The following C9orf57 variants were observed in gnomAD, a reference collection of about 807,000 sequenced individuals.
C9orf57 encodes chromosome 9 open reading frame 57.
In C9orf57, 12 loss-of-function variants were observed where a neutral mutation model predicts 12.9. The observed-to-expected ratio is 0.93, with a 90% CI of 0.60 to 1.51. The LOEUF (loss-of-function observed/expected upper bound fraction) is 1.51. Ranked by LOEUF, C9orf57 falls within the 40% of genes most tolerant of loss-of-function variation. The probability of loss-of-function intolerance (pLI) is 0.00; values close to 1 mark genes in which losing one functional copy is unlikely to be tolerated. For missense variants in C9orf57, 141 were observed against 162.8 expected (o/e 0.87, Z 0.73); for synonymous variants, 49 against 57.1 (o/e 0.86, Z 0.64).
At position 72,060,479 on chromosome 9, in the gene C9orf57, C is replaced by A. The variant is rs1824313011; in HGVS notation, c.-54+18G>T. 1.7e-6 allele frequency: 2 copies of A among 1,191,108 alleles called. No homozygotes were observed. The highest frequency in any genetic ancestry group is 2.6e-5 in the South Asian group (2 of 76,606). The allele number at this position is 1,191,108 out of a possible 1,614,324, so 73.8% of individuals were successfully genotyped here. A position where few individuals can be genotyped will look rare whatever the true frequency, so the allele number is the denominator to read the frequency against. Reference sequence around the variant, plus strand: ...TAAGATTGGGTAAAGTATAATATTTCAGTTGTTCATGACCTACCTATCTTT... The same window carrying A: ...TAAGATTGGGTAAAGTATAATATTTAAGTTGTTCATGACCTACCTATCTTT... On this transcript the variant is annotated intron_variant, in intron 1 of 4. Coordinates refer to ENST00000651200, the MANE Select transcript of C9orf57 (RefSeq NM_001128618.2).
intron 1 of C9orf57, 80 bp downstream of exon 1, chr9:72,060,417 G>T (rs770198474): frequency 5.4e-6 from 4 of 743,752 alleles, no homozygotes; most frequent in South Asian, 1.5e-5. Context: ...GATAGTTAAC[G>T]ATAGTTAATA....
At position 72,051,704 on chromosome 9, in the gene C9orf57, T is replaced by G. The variant is rs577240816; in HGVS notation, c.*592A>C. The stretch of plus-strand genomic sequence containing the variant: ...AAATTTGGATAAACTCTGAGGCAGA[T>G]GGAAGAAATAAGTGCCAGCCCTACC... On this transcript the variant is annotated 3_prime_UTR_variant, in exon 5 of 5. Transcript: ENST00000651200. 6.6e-6 allele frequency: 1 copy of G among 152,378 alleles called. No homozygotes were observed. The highest frequency in any genetic ancestry group is 2.4e-5 in the African/African-American group (1 of 41,588). The allele number at this position is 152,378 out of a possible 1,614,324, so 9.4% of individuals were successfully genotyped here.
At position 72,051,501 on chromosome 9, in the gene C9orf57, G is replaced by T. The variant is rs998515522; in HGVS notation, c.*795C>A. ...AGTACTCTTCATGCTGCCAAAGTAG[G>T]GCATTGTAATAGAAGACGTAATGAT... is the stretch of plus-strand genomic sequence containing the variant. On this transcript the variant is annotated 3_prime_UTR_variant, in exon 5 of 5. Transcript: ENST00000651200. The T allele has an allele frequency of 6.6e-6, 1 of 152,046 alleles. No individual in the cohort carries two copies. The highest frequency in any genetic ancestry group is 2.4e-5 in the African/African-American group (1 of 41,378). 9.4% of individuals were successfully genotyped at this position (152,046 alleles called of 1,614,324 possible). A position where few individuals can be genotyped will look rare whatever the true frequency, so the allele number is the denominator to read the frequency against.
chr9:72,056,308 ATATT>A, intron 3 of C9orf57, 112 bp from the exon 4 acceptor site: 1 of 460,822 alleles, frequency 2.2e-6, no homozygotes, highest in Admixed American at 4.6e-5. Flanking sequence ...TTATATATAT[ATATT>A]TATGTTATAT....
rs1286249566 is a variant in C9orf57 at position 72,051,431 on chromosome 9, G to A, written c.*865C>T. 2.6e-5 allele frequency: 4 copies of A among 152,212 alleles called. No homozygotes were observed. The East Asian group carries it at 7.7e-4, about 29-fold the overall frequency. The allele number at this position is 152,212 out of a possible 1,614,324, so 9.4% of individuals were successfully genotyped here. On this transcript the variant is annotated 3_prime_UTR_variant, in exon 5 of 5. Coordinates refer to ENST00000651200, the MANE Select transcript of C9orf57 (RefSeq NM_001128618.2). ...ATTTTCAAACTCCTGAAAATACAGA[G>A]AAAGACAGTTTTAAATTAAATTTTA...
intron 1 of C9orf57, among the ~76,000 whole-genome samples, chr9:72,059,688 G>T (rs374558686): frequency 4.6e-5 from 7 of 152,278 alleles, no homozygotes; most frequent in African/African-American, 1.7e-4. Flanking sequence ...AGGTGTGGTT[G>T]TGGGTGCCTG....
At chr9:72,056,911 A>T in intron 2 of C9orf57, 68 bp from the exon 3 acceptor site, 7 of 1,170,412 alleles carry the variant, frequency 6.0e-6, no homozygotes, top group South Asian at 1.5e-5. Context: ...ATATATGTAT[A>T]CTTTTTTTTT....
chr9:72,060,195 T>C (rs775804113), intron 1 of C9orf57, among the ~76,000 whole-genome samples: 4 of 152,104 alleles, frequency 2.6e-5, no homozygotes, highest in Admixed American at 6.5e-5. Flanking sequence ...TACAGGCGCA[T>C]GCTGCAACAC....
chr9:72,057,084 G>C (rs896608529), intron 2 of C9orf57, among the ~76,000 whole-genome samples: 12 of 151,734 alleles, frequency 7.9e-5, no homozygotes, highest in Admixed American at 7.9e-4. Flanking sequence ...CCAGCTTTTT[G>C]TATGTTTAGT....
chr9:72,054,914 AT>A (rs71353558), intron 4 of C9orf57, among the ~76,000 whole-genome samples: 258 of 96,494 alleles, frequency 2.7e-3, no homozygotes, highest in East Asian at 8.7e-3. Flanking sequence ...GGGGTTTGGG[AT>A]TTTTTTTTTT....
rs1824095869 is a variant in C9orf57, at chr9:72,052,243, T to C, written c.*53A>G. 2.0e-6 allele frequency: 3 copies of C among 1,535,962 alleles called. No individual in the cohort carries two copies. The highest frequency in any genetic ancestry group is 1.8e-6 in the Non-Finnish European group (2 of 1,138,962). ...TAGCCATCATTTTGTGATAGCCAGG[T>C]CAGGCTTCGAGACTGATTGATCTGC... On this transcript the variant is annotated 3_prime_UTR_variant, in exon 5 of 5. Coordinates refer to ENST00000651200, the MANE Select transcript of C9orf57 (RefSeq NM_001128618.2).
chr9:72,057,287 A>G (rs1395216124), intron 2 of C9orf57, among the ~76,000 whole-genome samples: 1 of 151,998 alleles, frequency 6.6e-6, no homozygotes, highest in African/African-American at 2.4e-5. Context: ...GAGCAATGGC[A>G]TGATCTCGGC....
At chr9:72,058,285 C>A (rs766382161) in intron 2 of C9orf57, among the ~76,000 whole-genome samples, 13 of 152,090 alleles carry the variant, frequency 8.5e-5, no homozygotes, top group African/African-American at 3.1e-4. Context: ...CTCAGCTTCC[C>A]GAGTAGCTGG....
At chr9:72,059,757 G>A (rs977385857) in intron 1 of C9orf57, among the ~76,000 whole-genome samples, 33 of 152,136 alleles carry the variant, frequency 2.2e-4, no homozygotes, top group Admixed American at 2.2e-3. Flanking sequence ...GGATGCAAAG[G>A]TTGCAGTGAG....
intron 2 of C9orf57, 148 bp downstream of exon 2, chr9:72,059,087 G>T: frequency 1.1e-6 from 1 of 930,898 alleles, no homozygotes; most frequent in Non-Finnish European, 1.6e-6. Context: ...ATGTTGGTCA[G>T]GCTGGTCTTG....
intron 2 of C9orf57, among the ~76,000 whole-genome samples, chr9:72,057,649 T>C (rs1234040830): frequency 1.3e-5 from 2 of 152,222 alleles, no homozygotes; most frequent in Non-Finnish European, 2.9e-5. Flanking sequence ...AACAACTTAG[T>C]TGGTTAAAAT....
intron 4 of C9orf57, 83 bp from the exon 5 acceptor site, chr9:72,052,518 C>A: frequency 3.1e-6 from 4 of 1,296,806 alleles, no homozygotes; most frequent in Non-Finnish European, 4.2e-6. Context: ...AAAAAGAATA[C>A]TAAGCAAAAC....
chr9:72,059,781 A>G (rs1383415459), intron 1 of C9orf57, among the ~76,000 whole-genome samples: 3 of 152,204 alleles, frequency 2.0e-5, no homozygotes, highest in Non-Finnish European at 1.5e-5. Flanking sequence ...AGATCAGGCC[A>G]CTGCACTCTA....
Position 72,056,214 on chromosome 9 carries a change from G to A in C9orf57, c.158-18C>T, listed in dbSNP as rs759691631. On this transcript the variant is annotated intron_variant, in intron 3 of 4. Transcript: ENST00000651200. ...TCCAACATCTCCAAGTACAGGGGCA[G>A]AAAAATGAGAAAGTAGTGATAGATA... The A allele has an allele frequency of 6.5e-7, 1 of 1,538,910 alleles. No individual in the cohort carries two copies. Among genetic ancestry groups the A allele is most frequent in the South Asian group, 1.2e-5 (1 of 81,624 alleles).
Sources: gnomAD v4.1 joint callset for allele counts (sites outside exome capture counted in the v4.1 genomes callset) on GRCh38, gnomAD v4.1.1 for gene constraint, MANE v1.5 for transcripts, NCBI Gene and HGNC (gene_info 2026-07-23, HGNC 2026-07-21) for gene names.